Variants in ERC1 observed in about 807,000 individuals in gnomAD.
ERC1 encodes RAB6 interacting protein 2.
In ERC1, 56 loss-of-function variants were observed where a neutral mutation model predicts 132.0. The observed-to-expected ratio is 0.42, with a 90% CI of 0.34 to 0.53. ERC1 has a LOEUF of 0.53. Among genes scored for constraint, ERC1 ranks in the 20% least tolerant of loss-of-function variants. The probability of loss-of-function intolerance (pLI) is 0.03; values close to 1 mark genes in which losing one functional copy is unlikely to be tolerated. For missense variants in ERC1, 1,202 were observed against 1,349.9 expected, an observed-to-expected ratio of 0.89 and a Z score of 1.72; for synonymous variants, 478 against 476.1, an observed-to-expected ratio of 1.00 and a Z score of -0.05.
chr12:1,440,243 C>A (rs372749620), intron 17 of ERC1, among the ~76,000 whole-genome samples: 1 of 128,646 alleles, frequency 7.8e-6, no homozygotes, highest in Non-Finnish European at 1.6e-5. Flanking sequence ...CTTGCTCTGT[C>A]GCCCAGGCTG....
intron 15 of ERC1, among the ~76,000 whole-genome samples, chr12:1,331,680 G>A (rs1271793346): frequency 1.3e-5 from 2 of 152,132 alleles, no homozygotes; most frequent in South Asian, 2.1e-4. Context: ...GGTGTTAAGC[G>A]ATGAGCCTGT....
intron 18 of ERC1, among the ~76,000 whole-genome samples, chr12:1,448,284 C>G (rs2093351704): frequency 6.6e-6 from 1 of 152,138 alleles, no homozygotes; most frequent in South Asian, 2.1e-4. Flanking sequence ...TTGTATTCTC[C>G]CCAACAGTCC....
At chr12:1,408,771 A>G (rs942384141) in intron 17 of ERC1, among the ~76,000 whole-genome samples, 1 of 152,228 alleles carries the variant, frequency 6.6e-6, no homozygotes, top group African/African-American at 2.4e-5. Flanking sequence ...GCTTAAGGAA[A>G]ATTGTTGCCT....
At chr12:1,250,293 A>G (rs561964027) in intron 13 of ERC1, among the ~76,000 whole-genome samples, 1 of 152,274 alleles carries the variant, frequency 6.6e-6, no homozygotes, top group African/African-American at 2.4e-5. Context: ...ACTTTTGTTG[A>G]TGAACTCTGC....
In ERC1 at chr12:1,114,272, C is replaced by G. The variant is rs145557280; in HGVS notation, c.1402-1594C>G. On this transcript the variant is annotated intron_variant, in intron 6 of 18. Transcript: ENST00000360905. ...TCCTGACCTTGTGATCCACCCGCCT[C>G]GGCCTTCCAAAGTGCAATGATTACA... 6.0e-3 allele frequency among the ~76,000 whole-genome samples: 913 copies of G among 152,248 alleles called. 13 individuals are homozygous for G. The highest frequency in any genetic ancestry group is 0.021 in the African/African-American group (885 of 41,534).
chr12:1,127,124 A>G (rs2154234107), intron 7 of ERC1, among the ~76,000 whole-genome samples: 1 of 152,274 alleles, frequency 6.6e-6, no homozygotes. Flanking sequence ...CAATCTTACT[A>G]GTAAATAAAG....
intron 3 of ERC1, among the ~76,000 whole-genome samples, chr12:1,084,800 T>G (rs898015153): frequency 2.0e-5 from 3 of 152,108 alleles, no homozygotes; most frequent in African/African-American, 4.8e-5. Context: ...TAGGTGAGCC[T>G]TCTGCCTTAG....
intron 17 of ERC1, among the ~76,000 whole-genome samples, chr12:1,437,609 G>T (rs970099153): frequency 5.3e-5 from 8 of 152,222 alleles, no homozygotes; most frequent in Admixed American, 5.2e-4. Context: ...GATGTTAACT[G>T]AATGAAGATT....
chr12:1,173,853 T>TG (rs1408705646), intron 8 of ERC1, among the ~76,000 whole-genome samples: 1 of 152,224 alleles, frequency 6.6e-6, no homozygotes, highest in African/African-American at 2.4e-5. Context: ...GAGCCTTCAG[T>TG]GGGGCTCAGC....
At chr12:1,125,312 A>G (rs1044869531) in intron 7 of ERC1, among the ~76,000 whole-genome samples, 16 of 151,980 alleles carry the variant, frequency 1.1e-4, no homozygotes, top group African/African-American at 3.9e-4. Flanking sequence ...GATATTTTCT[A>G]TCAAATATTT....
chr12:1,027,798 G>A lies in ERC1; in HGVS notation c.-106G>A, dbSNP rs189800233. 18 of 941,616 alleles carry A rather than the reference G, an allele frequency of 1.9e-5. No homozygotes were observed. In the African/African-American group the frequency reaches 2.6e-4, roughly 14 times the overall value. The allele number at this position is 941,616 out of a possible 1,614,324, so 58.3% of individuals were successfully genotyped here. ...ATTGGACAGCTGGGGACCTTCTTCT[G>A]ATTAACCTTAAACCAACTTGTAGCC... On this transcript the variant is annotated 5_prime_UTR_variant, in exon 2 of 19. Coordinates refer to ENST00000360905, the MANE Select transcript of ERC1 (RefSeq NM_178040.4).
At chr12:1,038,410 G>A (rs558803037) in intron 2 of ERC1, among the ~76,000 whole-genome samples, 78 of 151,636 alleles carry the variant, frequency 5.1e-4, no homozygotes, top group Admixed American at 1.5e-3. Context: ...TGCCCAGGCT[G>A]GAGTGCAGTG....
intron 7 of ERC1, among the ~76,000 whole-genome samples, chr12:1,134,111 GT>G (rs1460527102): frequency 6.6e-6 from 1 of 151,972 alleles, no homozygotes; most frequent in Non-Finnish European, 1.5e-5. Context: ...CTTGGAAATA[GT>G]TTCATTCTTT....
chr12:1,120,899 A>G (rs1238904617), intron 7 of ERC1, among the ~76,000 whole-genome samples: 1 of 152,166 alleles, frequency 6.6e-6, no homozygotes, highest in African/African-American at 2.4e-5. Flanking sequence ...TAGAGCTAGG[A>G]TGCTGTTGTT....
chr12:1,144,633 T>C (rs573679335), intron 8 of ERC1, among the ~76,000 whole-genome samples: 5 of 149,532 alleles, frequency 3.3e-5, no homozygotes, highest in South Asian at 2.1e-4. Flanking sequence ...TATATATATA[T>C]ACGTGTATAT....
At position 1,158,083 on chromosome 12, in the gene ERC1, T is replaced by C. The variant is rs1003310499; in HGVS notation, c.1737+16296T>C. ...AGTAGAGTGGGCAGAGTTTATAGTT[T>C]GTGCCTAGTTTCTCCTGTGATTATC... On this transcript the variant is annotated intron_variant, in intron 8 of 18. Coordinates refer to ENST00000360905, the MANE Select transcript of ERC1 (RefSeq NM_178040.4). 3.3e-5 allele frequency among the ~76,000 whole-genome samples: 5 copies of C among 152,374 alleles called. No individual in the cohort carries two copies. In the East Asian group the frequency reaches 9.6e-4, roughly 29 times the overall value.
chr12:1,022,284 A>G (rs576828370), intron 1 of ERC1, among the ~76,000 whole-genome samples: 1 of 152,360 alleles, frequency 6.6e-6, no homozygotes, highest in Admixed American at 6.5e-5. Context: ...GAAACATTGC[A>G]GAAAACAATA....
intron 1 of ERC1, among the ~76,000 whole-genome samples, chr12:1,020,156 C>T (rs1198251116): frequency 6.6e-6 from 1 of 152,116 alleles, no homozygotes. Flanking sequence ...TCAAAACTTA[C>T]TGGATTTAAA....
intron 16 of ERC1, among the ~76,000 whole-genome samples, chr12:1,393,409 T>C (rs1314002164): frequency 6.6e-6 from 1 of 152,108 alleles, no homozygotes; most frequent in Non-Finnish European, 1.5e-5. Flanking sequence ...GTGGTGCACA[T>C]CTGTAGTCCC....
Sources: allele counts gnomAD v4.1 joint callset (sites outside exome capture counted in the v4.1 genomes callset), GRCh38; gene constraint gnomAD v4.1.1; transcripts MANE v1.5; gene names NCBI Gene and HGNC (gene_info 2026-07-23, HGNC 2026-07-21).